The following PCDHA3 variants were observed in gnomAD, a reference collection of about 807,000 sequenced individuals.
The protein encoded by PCDHA3 is protocadherin alpha 3, also known as protocadherin alpha-3.
PCDHA3 carries 41 observed loss-of-function variants against 62.2 expected under a neutral mutation model. That is an observed-to-expected ratio of 0.66 (90% confidence interval 0.51 to 0.86). PCDHA3 has a LOEUF of 0.86. PCDHA3 is among the 40% of genes least tolerant of loss of function. PCDHA3 has a pLI of 0.00. For missense variants in PCDHA3, 1,304 were observed against 1,241.2 expected (o/e 1.05, Z -0.76); for synonymous variants, 640 against 555.4 (o/e 1.15, Z -2.14).
chr5:140,858,380 C>G, intron 1 of PCDHA3: 1 of 1,583,962 alleles, frequency 6.3e-7, no homozygotes, highest in South Asian at 1.1e-5. Context: ...TCCACCATGC[C>G]CAATGGTAGA....
In PCDHA3 at chr5:141,003,240, CAA is replaced by C. The variant is rs1287973511; in HGVS notation, c.2543-6383_2543-6382del. ...GAAAGAGGAAAGCTGGAAATTTTGC[CAA>C]AAAGATTCCTGGGCAGTGCCTAAGG... On this transcript the variant is annotated intron_variant, in intron 3 of 3. Transcript: ENST00000522353. Among the ~76,000 whole-genome samples the C allele has an allele frequency of 2.6e-5, 4 of 152,150 alleles. No individual in the cohort carries two copies. In the East Asian group the frequency reaches 7.7e-4, roughly 29 times the overall value.
intron 3 of PCDHA3, among the ~76,000 whole-genome samples, chr5:140,986,934 C>T (rs1379562819): frequency 6.6e-6 from 1 of 152,160 alleles, no homozygotes; most frequent in East Asian, 1.9e-4. Flanking sequence ...AGGATGGAGG[C>T]TGGGTGTGGT....
In PCDHA3 at chr5:140,879,783, G is replaced by C. The variant is rs182330190; in HGVS notation, c.2394+76192G>C. Among the ~76,000 whole-genome samples, 12 of 152,280 alleles carry C rather than the reference G, an allele frequency of 7.9e-5. No homozygotes were observed. In the East Asian group the frequency reaches 2.3e-3, roughly 29 times the overall value. ...TTTGGAGGCCCCAGGGAAGAATCTGGTTTTTGTTTCTTCCAGTTTCTATTG... is the reference window on the plus strand; with the variant it reads ...TTTGGAGGCCCCAGGGAAGAATCTGCTTTTTGTTTCTTCCAGTTTCTATTG... On this transcript the variant is annotated intron_variant, in intron 1 of 3. Coordinates refer to ENST00000522353, the MANE Select transcript of PCDHA3 (RefSeq NM_018906.3).
At chr5:140,957,556 A>G (rs1364343526) in intron 1 of PCDHA3, among the ~76,000 whole-genome samples, 1 of 152,150 alleles carries the variant, frequency 6.6e-6, no homozygotes, top group African/African-American at 2.4e-5. Flanking sequence ...TCTCTGTGGA[A>G]AAGGAGGGAC....
chr5:140,927,897 T>C (rs907878286), intron 1 of PCDHA3: 1 of 1,614,086 alleles, frequency 6.2e-7, no homozygotes, highest in African/African-American at 1.3e-5. Context: ...ACGTGAACGA[T>C]CATGCCCCCG....
intron 1 of PCDHA3, among the ~76,000 whole-genome samples, chr5:140,948,880 C>G (rs1430288840): frequency 6.6e-6 from 1 of 151,410 alleles, no homozygotes; most frequent in Non-Finnish European, 1.5e-5. Flanking sequence ...TTACTTTGCT[C>G]TCTTTTAGAT....
At chr5:140,805,567 T>C in intron 1 of PCDHA3, 1 of 964,878 alleles carries the variant, frequency 1.0e-6, no homozygotes, top group South Asian at 4.8e-5. Flanking sequence ...GCAAGGAAAG[T>C]TTTTAAATGG....
At chr5:140,999,051 C>T (rs972072595) in intron 3 of PCDHA3, among the ~76,000 whole-genome samples, 6 of 152,196 alleles carry the variant, frequency 3.9e-5, no homozygotes, top group African/African-American at 9.7e-5. Flanking sequence ...TGCTTTCCAC[C>T]ATGCCTAAGT....
At chr5:140,927,457 A>G in intron 1 of PCDHA3, 1 of 1,614,098 alleles carries the variant, frequency 6.2e-7, no homozygotes, top group Non-Finnish European at 8.5e-7. Flanking sequence ...GGTGTTGGAG[A>G]AAGCACTGGA....
In PCDHA3 at chr5:140,826,703, G is replaced by A. The variant is rs1350880240; in HGVS notation, c.2394+23112G>A. Among the ~76,000 whole-genome samples the A allele has an allele frequency of 3.9e-5, 6 of 152,222 alleles. No individual in the cohort carries two copies. In the East Asian group the frequency reaches 5.8e-4, roughly 15 times the overall value. Reference sequence around the variant, plus strand: ...AAAAAAACCCAGCTAAAACAAAGGTGGTATTGAGAAAGAGGAAGAGCAAGT... The same window carrying A: ...AAAAAAACCCAGCTAAAACAAAGGTAGTATTGAGAAAGAGGAAGAGCAAGT... On this transcript the variant is annotated intron_variant, in intron 1 of 3. Coordinates refer to ENST00000522353, the MANE Select transcript of PCDHA3 (RefSeq NM_018906.3).
rs782279296 is a variant in PCDHA3, at chr5:140,802,759, A to G, written c.1562A>G (p.Gln521Arg). ...HAESGKVYAL[Q>R]PLDHEELELL... is the part of the protein sequence containing the mutation. ...GAGAGCGGCAAGGTGTACGCGCTGC[A>G]GCCGCTGGACCACGAGGAGCTAGAG... Residue 521 changes from glutamine to arginine, a missense_variant, in exon 1 of 4, where the codon CAG becomes CGG. Transcript: ENST00000522353. 1 of 1,612,760 alleles carries G rather than the reference A, an allele frequency of 6.2e-7. No individual in the cohort carries two copies. The highest frequency in any genetic ancestry group is 1.1e-5 in the South Asian group (1 of 91,032).
At chr5:140,808,879 A>T (rs782200708) in intron 1 of PCDHA3, 2 of 1,613,212 alleles carry the variant, frequency 1.2e-6, no homozygotes, top group Non-Finnish European at 1.7e-6. Context: ...ACGCGCCAGC[A>T]CTGCTAGCGC....
chr5:140,844,298 GT>G (rs141549111), intron 1 of PCDHA3, among the ~76,000 whole-genome samples: 3,056 of 149,412 alleles, frequency 0.02, 290 homozygotes, highest in Non-Finnish European at 0.031. Flanking sequence ...AAATTTGATA[GT>G]TTTCATATTC....
intron 3 of PCDHA3, among the ~76,000 whole-genome samples, chr5:140,984,534 G>C (rs1261585417): frequency 6.6e-6 from 1 of 152,136 alleles, no homozygotes; most frequent in Non-Finnish European, 1.5e-5. Context: ...TTCATGGACT[G>C]TGCTGGATAG....
intron 1 of PCDHA3, chr5:140,848,530 A>G (rs2150412055): frequency 6.3e-7 from 1 of 1,594,630 alleles, no homozygotes; most frequent in Non-Finnish European, 8.6e-7. Context: ...CCAGAGGGTC[A>G]GCCTCTACTG....
chr5:140,952,821 A>G (rs269545), intron 1 of PCDHA3, among the ~76,000 whole-genome samples: 31,238 of 152,098 alleles, frequency 0.21, 3,965 homozygotes, highest in African/African-American at 0.36. Context: ...CTGTACAGGA[A>G]GCATGATGCT....
At chr5:140,907,590 C>A (rs924020141) in intron 1 of PCDHA3, among the ~76,000 whole-genome samples, 11 of 152,210 alleles carry the variant, frequency 7.2e-5, no homozygotes, top group Non-Finnish European at 1.6e-4. Flanking sequence ...TGGCTGATCA[C>A]CCTGAGGAAT....
chr5:140,920,277 T>C (rs1275415444), intron 1 of PCDHA3, among the ~76,000 whole-genome samples: 1 of 152,230 alleles, frequency 6.6e-6, no homozygotes, highest in African/African-American at 2.4e-5. Context: ...TTATGTAATC[T>C]TATATTTTTT....
intron 1 of PCDHA3, chr5:140,883,205 A>C: frequency 6.2e-7 from 1 of 1,614,036 alleles, no homozygotes; most frequent in Non-Finnish European, 8.5e-7. Flanking sequence ...TTTCGAAGAA[A>C]AGAAATTATA....
Sources: allele counts gnomAD v4.1 joint callset (sites outside exome capture counted in the v4.1 genomes callset), GRCh38; gene constraint gnomAD v4.1.1; transcripts MANE v1.5; gene names NCBI Gene and HGNC (gene_info 2026-07-23, HGNC 2026-07-21).